Variants in PNKD observed in about 807,000 individuals in gnomAD.
PNKD encodes probable thioesterase PNKD.
In PNKD, 36 loss-of-function variants were observed where a neutral mutation model predicts 45.3. The observed-to-expected ratio is 0.80, with a 90% CI of 0.61 to 1.05. The LOEUF (loss-of-function observed/expected upper bound fraction) is 1.05. Ranked by LOEUF, PNKD falls within the 50% of genes least tolerant of loss-of-function variation. PNKD has a pLI of 0.00. For synonymous variants in PNKD, 197 were observed against 210.1 expected, an observed-to-expected ratio of 0.94 and a Z score of 0.54; for missense variants, 511 against 506.6, an observed-to-expected ratio of 1.01 and a Z score of -0.08.
At chr2:218,278,012 G>A (rs1439909378) in intron 2 of PNKD, 3 of 1,612,514 alleles carry the variant, frequency 1.9e-6, no homozygotes, top group Admixed American at 3.3e-5. Context: ...ATGACTTGGG[G>A]CCCCTCAGGC....
chr2:218,336,269 C>G (rs1694489838), intron 2 of PNKD, among the ~76,000 whole-genome samples: 5 of 148,600 alleles, frequency 3.4e-5, no homozygotes, highest in Non-Finnish European at 7.4e-5. Flanking sequence ...AAATATGAAG[C>G]TTTTTTTCTT....
At chr2:218,302,549 A>G (rs958327820) in intron 2 of PNKD, among the ~76,000 whole-genome samples, 3 of 152,192 alleles carry the variant, frequency 2.0e-5, no homozygotes, top group African/African-American at 4.8e-5. Flanking sequence ...AGAAACTTCC[A>G]GGAGAGTGGT....
intron 2 of PNKD, among the ~76,000 whole-genome samples, chr2:218,315,928 A>C (rs985219884): frequency 6.6e-6 from 1 of 152,248 alleles, no homozygotes; most frequent in Non-Finnish European, 1.5e-5. Flanking sequence ...TTGCTCATGC[A>C]TCTGTGGGCA....
chr2:218,291,689 C>T (rs1213834869), intron 2 of PNKD, among the ~76,000 whole-genome samples: 2 of 152,170 alleles, frequency 1.3e-5, no homozygotes, highest in African/African-American at 4.8e-5. Context: ...TGCTTCCTCC[C>T]ACTGGTCCCT....
rs1440232206 is a variant in PNKD, at chr2:218,326,756, C to T, written c.237-13027C>T. 2 of 152,318 alleles carry T rather than the reference C, an allele frequency of 1.3e-5. No individual in the cohort carries two copies. The highest frequency in any genetic ancestry group is 2.1e-4 in the South Asian group (1 of 4,824). 9.4% of individuals were successfully genotyped at this position (152,318 alleles called of 1,614,324 possible). On this transcript the variant is annotated intron_variant, in intron 2 of 9. Transcript: ENST00000273077. The surrounding 1 kb of genome is among the most constrained non-coding windows in gnomAD (Gnocchi z 4.1). ...ACCCACCACCCAGCAGGAAACTCCA[C>T]ATCCCTTCATTCAGCCAGGGAACAC...
At chr2:218,303,039 A>T (rs1318649417) in intron 2 of PNKD, among the ~76,000 whole-genome samples, 1 of 152,106 alleles carries the variant, frequency 6.6e-6, no homozygotes, top group African/African-American at 2.4e-5. Context: ...TGCCAGGTTC[A>T]AGTGATTCTT....
At chr2:218,330,650 T>C (rs1276528239) in intron 2 of PNKD, among the ~76,000 whole-genome samples, 4 of 152,214 alleles carry the variant, frequency 2.6e-5, no homozygotes, top group African/African-American at 7.2e-5. Flanking sequence ...AGAGGACCAA[T>C]TGGGAAATTT....
intron 2 of PNKD, among the ~76,000 whole-genome samples, chr2:218,304,118 A>G (rs1057196101): frequency 1.4e-4 from 21 of 152,108 alleles, no homozygotes; most frequent in Non-Finnish European, 2.5e-4. Context: ...CAGTGGTCAC[A>G]GCCCCTATCA....
intron 2 of PNKD, among the ~76,000 whole-genome samples, chr2:218,332,120 G>T (rs1694344419): frequency 6.6e-6 from 1 of 152,188 alleles, no homozygotes; most frequent in Non-Finnish European, 1.5e-5. Context: ...CTTTTGAGCA[G>T]GAGCAAGTCT....
intron 2 of PNKD, among the ~76,000 whole-genome samples, chr2:218,281,699 C>T (rs1281638747): frequency 5.3e-5 from 8 of 152,106 alleles, no homozygotes; most frequent in South Asian, 4.1e-4. Flanking sequence ...GTGGTGTGTA[C>T]GTTCTGGGAC....
intron 2 of PNKD, among the ~76,000 whole-genome samples, chr2:218,273,198 C>CA (rs1008026670): frequency 7.9e-5 from 12 of 151,606 alleles, no homozygotes; most frequent in Admixed American, 1.3e-4. Flanking sequence ...GGTGTGGAGG[C>CA]AAAAAAAAGC....
At chr2:218,308,538 A>T (rs1693488661) in intron 2 of PNKD, among the ~76,000 whole-genome samples, 1 of 150,492 alleles carries the variant, frequency 6.6e-6, no homozygotes, top group African/African-American at 2.4e-5. Flanking sequence ...CGTATCAGTT[A>T]TTCAAAATTT....
chr2:218,270,714 G>A, intron 1 of PNKD, 112 bp downstream of exon 1: 1 of 426,226 alleles, frequency 2.3e-6, no homozygotes, highest in Non-Finnish European at 4.3e-6. Flanking sequence ...ACACTTTTCT[G>A]CAAGATCTTA....
In PNKD at chr2:218,340,505, A is replaced by G. The variant is rs1185511149; in HGVS notation, c.466-223A>G. ...TCTCTGTCTTTCCCTCCCATTCCTT[A>G]TCTCTCTGTGTCTGCCTCTCTCTAT... is the stretch of plus-strand genomic sequence containing the variant. On this transcript the variant is annotated intron_variant, in intron 4 of 9. Transcript: ENST00000273077. The surrounding 1 kb of genome is among the most constrained non-coding windows in gnomAD (Gnocchi z 4.2). Among the ~76,000 whole-genome samples the G allele has an allele frequency of 6.7e-6, 1 of 149,064 alleles. No individual in the cohort carries two copies. The highest frequency in any genetic ancestry group is 2.5e-5 in the African/African-American group (1 of 40,294).
chr2:218,329,063 A>G (rs549646550), intron 2 of PNKD, among the ~76,000 whole-genome samples: 1 of 152,164 alleles, frequency 6.6e-6, no homozygotes, highest in East Asian at 1.9e-4. Flanking sequence ...ACAAAAATTA[A>G]CTGGGCATGG....
Position 218,295,212 on chromosome 2 carries a change from T to C in PNKD, c.236+23663T>C, listed in dbSNP as rs892633435. 3.3e-5 allele frequency among the ~76,000 whole-genome samples: 5 copies of C among 152,234 alleles called. No homozygotes were observed. The East Asian group carries it at 9.6e-4, about 29-fold the overall frequency. ...AGGCATTCGATAAATGATGTTTTTTTCTCTTGGGCCTTATCTGCAAAATTA... is the reference window on the plus strand; with the variant it reads ...AGGCATTCGATAAATGATGTTTTTTCCTCTTGGGCCTTATCTGCAAAATTA... On this transcript the variant is annotated intron_variant, in intron 2 of 9. Transcript: ENST00000273077.
rs572739023 is a variant in PNKD, at chr2:218,292,163, G to A, written c.236+20614G>A. Among the ~76,000 whole-genome samples, 96 of 152,350 alleles carry A rather than the reference G, an allele frequency of 6.3e-4. 2 individuals carry two copies. The South Asian group carries it at 0.019, about 31-fold the overall frequency. ...AGAGAGGCCACTCGTGCCCGAAAGA[G>A]GGAACACGAGGACACCCCCAGACCC... On this transcript the variant is annotated intron_variant, in intron 2 of 9. Transcript: ENST00000273077.
chr2:218,277,865 C>G, intron 2 of PNKD: 3 of 1,604,264 alleles, frequency 1.9e-6, no homozygotes, highest in Non-Finnish European at 2.6e-6. Context: ...GAAATGGGTC[C>G]CCATCCCTTC....
chr2:218,318,950 C>CTTTTT lies in PNKD; in HGVS notation c.237-20815_237-20811dup, dbSNP rs769001811. On this transcript the variant is annotated intron_variant, in intron 2 of 9. Transcript: ENST00000273077. The stretch of plus-strand genomic sequence containing the variant: ...GCACAAATCTTTTCTTTTTTTTTTT[C>CTTTTT]TTTTTTTTTTTTTTTTTTTTTTGAG... Among the ~76,000 whole-genome samples the CTTTTT allele has an allele frequency of 6.0e-4, 60 of 99,886 alleles. 1 individual carries two copies. The highest frequency in any genetic ancestry group is 1.4e-3 in the East Asian group (5 of 3,566). The allele number at this position is 99,886 out of a possible 152,430, so 65.5% of individuals were successfully genotyped here.
Sources: gnomAD v4.1 joint callset for allele counts (sites outside exome capture counted in the v4.1 genomes callset) on GRCh38, gnomAD v4.1.1 for gene constraint, Gnocchi (gnomAD v3.1) non-coding constraint, MANE v1.5 for transcripts, NCBI Gene and HGNC (gene_info 2026-07-23, HGNC 2026-07-21) for gene names.